Variants in TMEM268 observed in about 807,000 individuals in gnomAD.
The protein encoded by TMEM268 is transmembrane protein 268.
Under a neutral mutation model 39.1 loss-of-function variants are expected in TMEM268, and 24 were observed. That is an observed-to-expected ratio of 0.61 (90% CI 0.44 to 0.86). The LOEUF is 0.86. TMEM268 is among the 40% of genes least tolerant of loss of function. The probability of loss-of-function intolerance (pLI) is 0.00; values close to 1 mark genes in which losing one functional copy is unlikely to be tolerated. For missense variants in TMEM268, 409 were observed against 428.6 expected (o/e 0.95, Z 0.40); for synonymous variants, 176 against 173.5 (o/e 1.01, Z -0.12).
At chr9:114,632,955 T>C (rs1289328704) in intron 5 of TMEM268, among the ~76,000 whole-genome samples, 3 of 152,180 alleles carry the variant, frequency 2.0e-5, no homozygotes, top group African/African-American at 4.8e-5. Flanking sequence ...TCTGACACTA[T>C]TGAATTTACT....
Position 114,617,119 on chromosome 9 carries a change from C to A in TMEM268, c.-77C>A. The A allele has an allele frequency of 1.1e-6, 1 of 918,200 alleles. No individual in the cohort carries two copies. Among genetic ancestry groups the A allele is most frequent in the Non-Finnish European group, 1.7e-6 (1 of 593,096 alleles). The allele number at this position is 918,200 out of a possible 1,614,324, so 56.9% of individuals were successfully genotyped here. On this transcript the variant is annotated splice_region_variant and 5_prime_UTR_variant, in exon 2 of 9. Transcript: ENST00000288502. ...TCTTTTTTGTGCTGTTTTCTGAAGG[C>A]ATATGATGCTGAGCTGGCTGCTCCA... is the stretch of plus-strand genomic sequence containing the variant.
intron 5 of TMEM268, among the ~76,000 whole-genome samples, chr9:114,633,162 A>ATT (rs566595273): frequency 7.9e-5 from 11 of 138,890 alleles, no homozygotes; most frequent in Admixed American, 2.1e-4. Context: ...TGCCTAGTTA[A>ATT]TTTTTTTTTT....
intron 8 of TMEM268, among the ~76,000 whole-genome samples, chr9:114,640,426 T>A (rs944351961): frequency 2.0e-5 from 3 of 152,228 alleles, no homozygotes; most frequent in Admixed American, 6.5e-5. Context: ...TAATGACCTC[T>A]TACATTTTTA....
At chr9:114,634,474 G>T (rs77654326) in intron 6 of TMEM268, among the ~76,000 whole-genome samples, 8,511 of 152,216 alleles carry the variant, frequency 0.056, 402 homozygotes, top group South Asian at 0.19. Flanking sequence ...TGCCCCGAAG[G>T]TTGGGGGGAG....
chr9:114,623,006 C>G (rs1461439389), intron 2 of TMEM268, among the ~76,000 whole-genome samples: 3 of 152,062 alleles, frequency 2.0e-5, no homozygotes, highest in Non-Finnish European at 4.4e-5. Flanking sequence ...ACAAGAATCA[C>G]TTGAACCTGG....
chr9:114,622,186 T>G lies in TMEM268; in HGVS notation c.107-2164T>G, dbSNP rs902323721. The G allele has an allele frequency of 6.1e-6, 6 of 985,256 alleles. No homozygotes were observed. In the Admixed American group the frequency reaches 2.5e-4, roughly 40 times the overall value. 61.0% of individuals were successfully genotyped at this position (985,256 alleles called of 1,614,324 possible). A position where few individuals can be genotyped will look rare whatever the true frequency, so the allele number is the denominator to read the frequency against. On this transcript the variant is annotated intron_variant, in intron 2 of 8. Coordinates refer to ENST00000288502, the MANE Select transcript of TMEM268 (RefSeq NM_153045.4). ...ATTTCCTGGAAAGTGGAGTGAGTCA[T>G]TTGGCTTTGAAGACTCAAGTACTGT... is the stretch of plus-strand genomic sequence containing the variant.
At position 114,622,436 on chromosome 9, in the gene TMEM268, T is replaced by C. The variant is rs1472880779; in HGVS notation, c.107-1914T>C. ...CTGCTGACCAGTGGCTCACAGGGCC[T>C]TGTACTGTGGTGCAAGGAGATCTCG... On this transcript the variant is annotated intron_variant, in intron 2 of 8. Transcript: ENST00000288502. The C allele has an allele frequency of 5.1e-6, 5 of 985,174 alleles. No individual in the cohort carries two copies. The African/African-American group carries it at 8.7e-5, about 17-fold the overall frequency. The allele number at this position is 985,174 out of a possible 1,614,324, so 61.0% of individuals were successfully genotyped here. A position where few individuals can be genotyped will look rare whatever the true frequency, so the allele number is the denominator to read the frequency against.
At chr9:114,631,273 A>G in intron 5 of TMEM268, among the ~76,000 whole-genome samples, 1 of 142,842 alleles carries the variant, frequency 7.0e-6, no homozygotes, top group East Asian at 2.1e-4. Flanking sequence ...ATTATACTCC[A>G]GCCTGCCTCA....
At chr9:114,609,026 T>G (rs1248677785), upstream of TMEM268, among the ~76,000 whole-genome samples, 1 of 152,100 alleles carries the variant, frequency 6.6e-6, no homozygotes, top group Non-Finnish European at 1.5e-5. Context: ...AATGCATGCA[T>G]AGGCCAGGTG....
At chr9:114,605,105 A>G in the TMEM268 span, among the ~76,000 whole-genome samples, 2 of 152,214 alleles carry the variant, frequency 1.3e-5, no homozygotes, top group Admixed American at 1.3e-4. Flanking sequence ...TATTGTACTC[A>G]AGAAAACTGA....
At chr9:114,621,297 G>A (rs1398415761) in intron 2 of TMEM268, among the ~76,000 whole-genome samples, 3 of 149,354 alleles carry the variant, frequency 2.0e-5, no homozygotes. Flanking sequence ...AGTGAGCCAT[G>A]TTAGTGTCAC....
At chr9:114,633,640 G>A in intron 5 of TMEM268, 128 bp from the exon 6 acceptor site, 2 of 490,306 alleles carry the variant, frequency 4.1e-6, no homozygotes. Flanking sequence ...GGAGGAAATG[G>A]GACAGTCCTG....
upstream of TMEM268, among the ~76,000 whole-genome samples, chr9:114,607,486 T>C (rs956126730): frequency 3.3e-5 from 5 of 152,182 alleles, no homozygotes; most frequent in Middle Eastern, 6.8e-3. Flanking sequence ...TAAAACCCTG[T>C]CTCTACTAAA....
intron 7 of TMEM268, 61 bp from the exon 8 acceptor site, chr9:114,638,483 C>T: frequency 7.5e-7 from 1 of 1,328,662 alleles, no homozygotes; most frequent in South Asian, 1.7e-5. Flanking sequence ...GGGAGGGACT[C>T]AGCCTCGCAG....
chr9:114,634,145 A>G (rs1192919930), intron 6 of TMEM268, among the ~76,000 whole-genome samples: 1 of 152,106 alleles, frequency 6.6e-6, no homozygotes, highest in African/African-American at 2.4e-5. Context: ...CTCACCTGGC[A>G]TTTATTCAGC....
chr9:114,604,330 C>T, the TMEM268 span, among the ~76,000 whole-genome samples: 1 of 152,034 alleles, frequency 6.6e-6, no homozygotes, highest in East Asian at 1.9e-4. Context: ...GTAATCCCAG[C>T]ACTTTGGGAG....
At chr9:114,633,911 G>T in intron 6 of TMEM268, 33 bp downstream of exon 6, 1 of 1,320,230 alleles carries the variant, frequency 7.6e-7, no homozygotes, top group East Asian at 2.4e-5. Flanking sequence ...CTTCCTGATG[G>T]CCCAGTTTTA....
intron 6 of TMEM268, among the ~76,000 whole-genome samples, chr9:114,634,536 C>T (rs1032881566): frequency 2.0e-5 from 3 of 152,158 alleles, no homozygotes; most frequent in Non-Finnish European, 4.4e-5. Flanking sequence ...CACAGTTAGG[C>T]CAGATCTCCT....
At chr9:114,611,042 G>A (rs145952462), upstream of TMEM268, among the ~76,000 whole-genome samples, 708 of 152,216 alleles carry the variant, frequency 4.7e-3, 7 homozygotes, top group African/African-American at 0.016. Flanking sequence ...GCAACACAGC[G>A]AAACCCCCGA....
Sources: allele counts gnomAD v4.1 joint callset (sites outside exome capture counted in the v4.1 genomes callset), GRCh38; gene constraint gnomAD v4.1.1; transcripts MANE v1.5; gene names NCBI Gene and HGNC (gene_info 2026-07-23, HGNC 2026-07-21).